The following PCDHA5 variants were observed in gnomAD, a reference collection of about 807,000 sequenced individuals.
PCDHA5 encodes protocadherin alpha 5, also known as protocadherin alpha-5.
PCDHA5 carries 43 observed loss-of-function variants against 61.6 expected under a neutral mutation model. That is an observed-to-expected ratio of 0.70 (90% CI 0.55 to 0.90). The LOEUF is 0.90. Ranked by LOEUF, PCDHA5 falls within the 40% of genes least tolerant of loss-of-function variation. The probability of loss-of-function intolerance (pLI) is 0.00; values close to 1 mark genes in which losing one functional copy is unlikely to be tolerated. For missense variants in PCDHA5, 1,298 were observed against 1,222.7 expected, an observed-to-expected ratio of 1.06 and a Z score of -0.92; for synonymous variants, 627 against 543.9, an observed-to-expected ratio of 1.15 and a Z score of -2.13.
In PCDHA5 at chr5:140,871,059, T is replaced by A. The variant is rs781936875; in HGVS notation, c.2352+46932T>A. 4.3e-6 allele frequency: 7 copies of A among 1,613,256 alleles called. No homozygotes were observed. In the South Asian group the frequency reaches 7.7e-5, roughly 18 times the overall value. On this transcript the variant is annotated intron_variant, in intron 1 of 3. Transcript: ENST00000529859. ...ACCGACTTCTAGTACTGGTGAAGGA[T>A]CACGGTGAGCCGGCGCTGACGGCCA...
intron 3 of PCDHA5, among the ~76,000 whole-genome samples, chr5:140,993,092 G>A (rs1441562927): frequency 6.6e-6 from 1 of 152,222 alleles, no homozygotes; most frequent in East Asian, 1.9e-4. Flanking sequence ...GCAGGGCTAT[G>A]TTTATTCAGC....
chr5:140,869,407 T>C, intron 1 of PCDHA5: 3 of 1,614,120 alleles, frequency 1.9e-6, no homozygotes, highest in Non-Finnish European at 2.5e-6. Context: ...GAGCGCGGAG[T>C]GCAGCATCCA....
At position 140,858,665 on chromosome 5, in the gene PCDHA5, A is replaced by G. The variant is rs2045550518; in HGVS notation, c.2352+34538A>G. On this transcript the variant is annotated intron_variant, in intron 1 of 3. Transcript: ENST00000529859. ...GGTACTTAAATTTTTTTAAATAACAATTTATTCTGAATACACTAATATTTT... is the reference window on the plus strand; with the variant it reads ...GGTACTTAAATTTTTTTAAATAACAGTTTATTCTGAATACACTAATATTTT... 5.6e-6 allele frequency: 4 copies of G among 718,718 alleles called. 1 individual carries two copies. The highest frequency in any genetic ancestry group is 1.8e-5 in the African/African-American group (1 of 55,644). 44.5% of individuals were successfully genotyped at this position (718,718 alleles called of 1,614,324 possible).
intron 1 of PCDHA5, chr5:140,857,288 C>A (rs782208845): frequency 2.5e-6 from 4 of 1,598,652 alleles, no homozygotes; most frequent in East Asian, 4.5e-5. Context: ...CGCTCTGGAC[C>A]GCGAGAGGGT....
chr5:140,933,694 C>T (rs782754431), intron 1 of PCDHA5, among the ~76,000 whole-genome samples: 8 of 151,858 alleles, frequency 5.3e-5, no homozygotes, highest in South Asian at 4.1e-4. Flanking sequence ...TCCTATTCCT[C>T]GGACACATTT....
At position 140,917,056 on chromosome 5, in the gene PCDHA5, T is replaced by C. The variant is rs539112715; in HGVS notation, c.2353-61893T>C. Among the ~76,000 whole-genome samples the C allele has an allele frequency of 5.9e-5, 9 of 152,280 alleles. No individual in the cohort carries two copies. The East Asian group carries it at 1.7e-3, about 29-fold the overall frequency. On this transcript the variant is annotated intron_variant, in intron 1 of 3. Transcript: ENST00000529859. ...AGTCCAGCACAGTGTTGTTCCCTGCTACGACAGCACCGAGTTTAATGTAAA... is the reference window on the plus strand; with the variant it reads ...AGTCCAGCACAGTGTTGTTCCCTGCCACGACAGCACCGAGTTTAATGTAAA...
At chr5:140,872,400 G>A (rs1582078480) in intron 1 of PCDHA5, among the ~76,000 whole-genome samples, 1 of 152,124 alleles carries the variant, frequency 6.6e-6, no homozygotes, top group Admixed American at 6.5e-5. Context: ...GCTGAGGCAG[G>A]AGAATTGCTT....
rs147047116 is a variant in PCDHA5, at chr5:140,937,713, C to T, written c.2353-41236C>T. Among the ~76,000 whole-genome samples the T allele has an allele frequency of 7.0e-4, 107 of 151,998 alleles. No homozygotes were observed. The East Asian group carries it at 0.02, about 28-fold the overall frequency. On this transcript the variant is annotated intron_variant, in intron 1 of 3. Transcript: ENST00000529859. The stretch of plus-strand genomic sequence containing the variant: ...GGATCACGAGGTCAGGAGATCAAGA[C>T]CATCCTGGCTAACACGGTGAAACCC...
At chr5:140,979,318 T>C (rs2096844474) in intron 2 of PCDHA5, among the ~76,000 whole-genome samples, 1 of 152,196 alleles carries the variant, frequency 6.6e-6, no homozygotes, top group Non-Finnish European at 1.5e-5. Context: ...CTACCTATGC[T>C]TTCTTTTCCT....
rs3776115 is a variant in PCDHA5 at position 140,970,956 on chromosome 5, G to A, written c.2353-7993G>A. Among the ~76,000 whole-genome samples, 119 of 152,278 alleles carry A rather than the reference G, an allele frequency of 7.8e-4. 3 individuals carry two copies. In the East Asian group the frequency reaches 0.019, roughly 25 times the overall value. On this transcript the variant is annotated intron_variant, in intron 1 of 3. Coordinates refer to ENST00000529859, the MANE Select transcript of PCDHA5 (RefSeq NM_018908.3). The stretch of plus-strand genomic sequence containing the variant: ...TAGTCAATGCTGAGAAACCATGGGA[G>A]GCAGATTGTAGATTAAGAAAAATGG...
intron 1 of PCDHA5, among the ~76,000 whole-genome samples, chr5:140,871,869 T>C (rs1230282991): frequency 6.6e-6 from 1 of 152,230 alleles, no homozygotes; most frequent in Non-Finnish European, 1.5e-5. Context: ...TATGGATTAT[T>C]TAAATTTGCT....
At chr5:140,916,379 C>G (rs180755548) in intron 1 of PCDHA5, among the ~76,000 whole-genome samples, 2 of 152,302 alleles carry the variant, frequency 1.3e-5, no homozygotes, top group Admixed American at 6.5e-5. Context: ...GTAGCCACCA[C>G]AACTAGGAAT....
intron 1 of PCDHA5, chr5:140,830,253 T>G: frequency 6.2e-7 from 1 of 1,613,696 alleles, no homozygotes; most frequent in Non-Finnish European, 8.5e-7. Flanking sequence ...TACACAGCGC[T>G]GCGGTGCTCG....
chr5:140,937,933 A>C (rs1452935525), intron 1 of PCDHA5, among the ~76,000 whole-genome samples: 1 of 151,854 alleles, frequency 6.6e-6, no homozygotes, highest in Non-Finnish European at 1.5e-5. Flanking sequence ...AAAAAGTTTA[A>C]TTTGATAATT....
chr5:140,865,532 C>T (rs1340228056), intron 1 of PCDHA5: 1 of 152,096 alleles, frequency 6.6e-6, no homozygotes, highest in Non-Finnish European at 1.5e-5. Context: ...TTCTCTTCAT[C>T]CATAGCTATA....
intron 1 of PCDHA5, chr5:140,843,207 G>A (rs1778678462): frequency 1.3e-6 from 2 of 1,595,886 alleles, no homozygotes; most frequent in Admixed American, 1.7e-5. Flanking sequence ...CTGTACACGG[G>A]CGAGATCAGC....
intron 1 of PCDHA5, chr5:140,856,268 C>T: frequency 1.3e-6 from 2 of 1,598,206 alleles, no homozygotes; most frequent in Admixed American, 1.7e-5. Context: ...CGGGGACCTT[C>T]TGGAGGTAAA....
chr5:140,871,257 G>C (rs374337862), intron 1 of PCDHA5: 21 of 1,613,824 alleles, frequency 1.3e-5, no homozygotes, highest in East Asian at 2.2e-5. Context: ...TGCTGTATAC[G>C]GCGCTGTGGT....
intron 1 of PCDHA5, among the ~76,000 whole-genome samples, chr5:140,912,293 C>T (rs1231004722): frequency 6.6e-6 from 1 of 152,110 alleles, no homozygotes; most frequent in Admixed American, 6.6e-5. Flanking sequence ...AATACTTTGC[C>T]TCCTGTAATC....
Sources: gnomAD v4.1 joint callset for allele counts (sites outside exome capture counted in the v4.1 genomes callset) on GRCh38, gnomAD v4.1.1 for gene constraint, MANE v1.5 for transcripts, NCBI Gene and HGNC (gene_info 2026-07-23, HGNC 2026-07-21) for gene names.